The following ZSCAN12 variants were observed in gnomAD, a reference collection of about 807,000 sequenced individuals.
The protein encoded by ZSCAN12 is zinc finger and SCAN domain-containing protein 12.
In ZSCAN12, 18 loss-of-function variants were observed where a neutral mutation model predicts 23.4. The observed-to-expected ratio is 0.77, with a 90% CI of 0.53 to 1.14. The LOEUF (loss-of-function observed/expected upper bound fraction) is 1.14, where lower values mean the gene tolerates loss of function less well. ZSCAN12 is among the 50% of genes most tolerant of loss of function. ZSCAN12 has a pLI of 0.00. For missense variants in ZSCAN12, 650 were observed against 735.0 expected, an observed-to-expected ratio of 0.88 and a Z score of 1.34; for synonymous variants, 186 against 253.4, an observed-to-expected ratio of 0.73 and a Z score of 2.53.
At chr6:28,379,248 T>C (rs2113948067) in exon 5 of ZSCAN12, 1 of 152,282 alleles carries the variant, frequency 6.6e-6, no homozygotes, top group Non-Finnish European at 1.5e-5. Context: ...ATGTGTTATC[T>C]ATAAGAAAAA....
chr6:28,396,955 C>T (rs1561964046), intron 2 of ZSCAN12, among the ~76,000 whole-genome samples: 1 of 152,168 alleles, frequency 6.6e-6, no homozygotes, highest in Non-Finnish European at 1.5e-5. Flanking sequence ...CCTACCCTCT[C>T]TATTGCATTT....
chr6:28,391,165 G>A lies in ZSCAN12; in HGVS notation c.1125C>T (p.His375=). The change falls in exon 4 of 4, where the codon CAC becomes CAT. Residue 375 remains histidine, a synonymous_variant. Coordinates refer to ENST00000684592, the MANE Select transcript of ZSCAN12 (RefSeq NM_001163391.2). This position sits in a 1 kb window ranked among gnomAD's most constrained non-coding sequence, Gnocchi z 4.1. The stretch of plus-strand genomic sequence containing the variant: ...TGTCTCTTGTGTGGATCTTGATATG[G>A]TGAAAGAGGCCTGCTTTCTGACTAA... ...KAFSQKAGLF[H]HIKIHTRDKP... 1 of 1,551,646 alleles carries A rather than the reference G, an allele frequency of 6.4e-7. No individual in the cohort carries two copies. The highest frequency in any genetic ancestry group is 1.2e-5 in the South Asian group (1 of 84,040).
In ZSCAN12 at chr6:28,390,935, C is replaced by T. The variant is rs1399623305; in HGVS notation, c.1355G>A (p.Ser452Asn). 11 of 1,562,306 alleles carry T rather than the reference C, an allele frequency of 7.0e-6. No homozygotes were observed. In the South Asian group the frequency reaches 8.2e-5, roughly 12 times the overall value. ...YQCKECGKSF[S>N]QSGLIQHQRI... ...CTGATGCTGAATAAGGCCACTCTGA[C>T]TGAAGGATTTCCCACATTCCTTACA... is the stretch of plus-strand genomic sequence containing the variant. Residue 452 changes from serine (S) to asparagine (N), a missense_variant, in exon 4 of 4, where the codon AGT becomes AAT. By Grantham distance (46) the Ser-to-Asn change is conservative. Coordinates refer to ENST00000684592, the MANE Select transcript of ZSCAN12 (RefSeq NM_001163391.2).
chr6:28,390,990 C>CTTT lies in ZSCAN12; in HGVS notation c.1299_1300insAAA (p.Gln433_Glu434insLys), dbSNP rs1760793717. ...TAGCATTTTTCTTTGTGGTGGATTT[C>CTTT]CTGATGGGAAACAAGGGATGAGTTA... On this transcript the variant is annotated inframe_insertion, in exon 4 of 4. Transcript: ENST00000684592. The CTTT allele has an allele frequency of 1.9e-6, 3 of 1,555,962 alleles. No homozygotes were observed. Among genetic ancestry groups the CTTT allele is most frequent in the Non-Finnish European group, 2.6e-6 (3 of 1,149,376 alleles).
chr6:28,391,468 G>T lies in ZSCAN12; in HGVS notation c.822C>A (p.Tyr274Ter). ...AAGCTTTTCCACAGTCATCACATCC[G>T]TAAGATTCTTCTCCTGGACAGATTC... ...HQRICPGEES[Y>*]GCDDCGKAFS... is the part of the protein sequence containing the mutation. The change falls in exon 4 of 4, where the codon TAC becomes TAA. Residue 274 changes from tyrosine to a stop codon, truncating the protein, a stop_gained. Coordinates refer to ENST00000684592, the MANE Select transcript of ZSCAN12 (RefSeq NM_001163391.2). LOFTEE classifies it low-confidence loss of function (END_TRUNC). This position sits in a 1 kb window ranked among gnomAD's most constrained non-coding sequence, Gnocchi z 4.1. 1 of 1,551,734 alleles carries T rather than the reference G, an allele frequency of 6.4e-7. No individual in the cohort carries two copies. Among genetic ancestry groups the T allele is most frequent in the East Asian group, 2.4e-5 (1 of 40,928 alleles).
At chr6:28,397,931 G>A (rs948749493) in intron 2 of ZSCAN12, 73 bp downstream of exon 2, 10 of 1,439,470 alleles carry the variant, frequency 6.9e-6, no homozygotes, top group Non-Finnish European at 9.2e-6. Flanking sequence ...GTGAAAAAAT[G>A]GCTGTTCTTC....
chr6:28,399,195 A>C (rs1761290238), intron 1 of ZSCAN12, among the ~76,000 whole-genome samples: 1 of 152,202 alleles, frequency 6.6e-6, no homozygotes, highest in African/African-American at 2.4e-5. Flanking sequence ...CAGTCATGTA[A>C]ATTTATTTCT....
rs1463315762 is a variant in ZSCAN12 at position 28,386,985 on chromosome 6, G to A, written c.*3469C>T. On this transcript the variant is annotated 3_prime_UTR_variant, in exon 4 of 4. Coordinates refer to ENST00000684592, the MANE Select transcript of ZSCAN12 (RefSeq NM_001163391.2). The stretch of plus-strand genomic sequence containing the variant: ...TGGGATTACAGGCATGTGCCACCAC[G>A]CCTGGTTAATTTTTGTATTTTTAGT... 1.3e-5 allele frequency among the ~76,000 whole-genome samples: 2 copies of A among 151,978 alleles called. No homozygotes were observed. The highest frequency in any genetic ancestry group is 2.9e-5 in the Non-Finnish European group (2 of 68,018).
chr6:28,399,484 C>T (rs762206289), intron 1 of ZSCAN12, among the ~76,000 whole-genome samples, 173 bp downstream of exon 1: 1 of 152,238 alleles, frequency 6.6e-6, no homozygotes, highest in African/African-American at 2.4e-5. Context: ...GAGCCAAACC[C>T]TCATCCTAAT....
downstream of ZSCAN12, chr6:28,381,344 C>G (rs1760226988): frequency 6.6e-6 from 1 of 152,096 alleles, no homozygotes; most frequent in Admixed American, 6.6e-5. Flanking sequence ...GGGATATGAT[C>G]AAAGTTAACT....
chr6:28,382,592 T>C, downstream of ZSCAN12: 2 of 1,551,666 alleles, frequency 1.3e-6, no homozygotes, highest in South Asian at 2.4e-5. Context: ...AAGTATTTCC[T>C]TGTAGCTGGT....
chr6:28,394,703 A>G (rs958139883), intron 2 of ZSCAN12, among the ~76,000 whole-genome samples: 6 of 152,126 alleles, frequency 3.9e-5, no homozygotes, highest in Non-Finnish European at 8.8e-5. Flanking sequence ...GTCTGCATCT[A>G]AGAATCCCAT....
downstream of ZSCAN12, among the ~76,000 whole-genome samples, chr6:28,383,786 A>G (rs1281453351): frequency 1.3e-5 from 2 of 152,180 alleles, no homozygotes; most frequent in Non-Finnish European, 1.5e-5. Flanking sequence ...GGAAAGTAAA[A>G]GTATACCTGG....
chr6:28,390,814 A>G lies in ZSCAN12; in HGVS notation c.1476T>C (p.Thr492=), dbSNP rs972769129. 3.8e-6 allele frequency: 6 copies of G among 1,599,240 alleles called. No homozygotes were observed. The highest frequency in any genetic ancestry group is 4.3e-6 in the Non-Finnish European group (5 of 1,172,368). The change falls in exon 4 of 4, where the codon ACT becomes ACC. Residue 492 remains threonine (T), a synonymous_variant. Transcript: ENST00000684592. ...TATCACATTTATAGGGTCTTTCTCCAGTGTGAATTCGCTGATGTTCTGTAA... is the reference window on the plus strand; with the variant it reads ...TATCACATTTATAGGGTCTTTCTCCGGTGTGAATTCGCTGATGTTCTGTAA... ...TSLTEHQRIH[T]GERPYKCDKC...
chr6:28,393,027 TC>T lies in ZSCAN12; in HGVS notation c.421del (p.Glu141AsnfsTer25). ...CGTCTCCTGCAAGAACATTTCCTGT[TC>T]CCCAGTGTGGACTGAGACCTGAGGA... The part of the protein sequence containing the change: ...PGEQVSVHTG[E>X]QEMFLQETVR... On this transcript the variant is annotated frameshift_variant, in exon 3 of 4. Coordinates refer to ENST00000684592, the MANE Select transcript of ZSCAN12 (RefSeq NM_001163391.2). LOFTEE classifies it high-confidence loss of function. 1 of 1,551,718 alleles carries T rather than the reference TC, an allele frequency of 6.4e-7. No homozygotes were observed. Among genetic ancestry groups the T allele is most frequent in the South Asian group, 1.2e-5 (1 of 84,038 alleles).
Position 28,390,726 on chromosome 6 carries a change from C to T in ZSCAN12, c.1564G>A (p.Glu522Lys). ...LTEHQRIHTG[E>K]RPYKCDECGN... ...CACTCATCACACTTGTAGGGCCTCTCTCCAGTGTGGATTCTCTGATGTTCC... is the reference window on the plus strand; with the variant it reads ...CACTCATCACACTTGTAGGGCCTCTTTCCAGTGTGGATTCTCTGATGTTCC... Residue 522 changes from glutamate to lysine, a missense_variant, in exon 4 of 4, where the codon GAG becomes AAG. Coordinates refer to ENST00000684592, the MANE Select transcript of ZSCAN12 (RefSeq NM_001163391.2). 6.2e-7 allele frequency: 1 copy of T among 1,612,222 alleles called. No homozygotes were observed. Among genetic ancestry groups the T allele is most frequent in the South Asian group, 1.1e-5 (1 of 90,754 alleles).
In ZSCAN12 at chr6:28,392,882, G is replaced by C. The variant is rs2232426; in HGVS notation, c.547+20C>G. The C allele has an allele frequency of 0.085, 131,143 of 1,551,256 alleles. 7,079 individuals are homozygous for C. The highest frequency in any genetic ancestry group is 0.11 in the Non-Finnish European group (120,611 of 1,146,648). On this transcript the variant is annotated intron_variant, in intron 3 of 3. Transcript: ENST00000684592. The stretch of plus-strand genomic sequence containing the variant: ...TTACCCATCTTCCCCTTCCTCCCAA[G>C]ATGGGTCTTTCTTCTTTACCTTGCT...
At chr6:28,379,095 A>T (rs1403520376) in exon 5 of ZSCAN12, 1 of 152,150 alleles carries the variant, frequency 6.6e-6, no homozygotes, top group Non-Finnish European at 1.5e-5. Flanking sequence ...CCCTACTATA[A>T]AATATATAAG....
rs747011846 is a variant in ZSCAN12, at chr6:28,390,469, T to C, written c.1821A>G (p.Lys607=). ...TQHQTIHKGE[K]SVSV The stretch of plus-strand genomic sequence containing the variant: ...CCTGTAGTCATCACACAGAAACAGA[T>C]TTTTCTCCTTTGTGGATAGTCTGAT... Residue 607 remains lysine, a synonymous_variant, in exon 4 of 4, where the codon AAA becomes AAG. Transcript: ENST00000684592. The C allele has an allele frequency of 6.5e-7, 1 of 1,541,916 alleles. No homozygotes were observed. The highest frequency in any genetic ancestry group is 8.8e-7 in the Non-Finnish European group (1 of 1,142,384).
Sources: gnomAD v4.1 joint callset for allele counts (sites outside exome capture counted in the v4.1 genomes callset) on GRCh38, gnomAD v4.1.1 for gene constraint, Gnocchi (gnomAD v3.1) non-coding constraint, MANE v1.5 for transcripts, NCBI Gene and HGNC (gene_info 2026-07-23, HGNC 2026-07-21) for gene names.